Variants in ATXN8OS observed in about 807,000 individuals in gnomAD.
ATXN8OS encodes ATXN8 opposite strand (non-protein coding).
At chr13:70,143,745 T>C (rs1888746769) in intron 3 of ATXN8OS, among the ~76,000 whole-genome samples, 1 of 152,194 alleles carries the variant, frequency 6.6e-6, no homozygotes, top group African/African-American at 2.4e-5. Flanking sequence ...TGAAGATTTT[T>C]ATGGCAGAAT....
intron 4 of ATXN8OS, among the ~76,000 whole-genome samples, chr13:70,158,741 C>T (rs1352776664): frequency 6.6e-6 from 1 of 152,100 alleles, no homozygotes; most frequent in Non-Finnish European, 1.5e-5. Flanking sequence ...TATTTATGGG[C>T]ACTGGATTTT....
chr13:70,169,014 T>C (rs1184261820), intron 4 of ATXN8OS, among the ~76,000 whole-genome samples: 3 of 152,164 alleles, frequency 2.0e-5, no homozygotes, highest in Non-Finnish European at 4.4e-5. Flanking sequence ...CTTATTTTTC[T>C]AATGATGAGA....
chr13:70,127,623 C>T (rs997868645), intron 2 of ATXN8OS, among the ~76,000 whole-genome samples: 8 of 151,860 alleles, frequency 5.3e-5, no homozygotes, highest in African/African-American at 1.9e-4. Context: ...GCCCACAACA[C>T]GTACTTTCAC....
At chr13:70,120,112 T>G (rs903931743) in intron 2 of ATXN8OS, among the ~76,000 whole-genome samples, 12 of 152,164 alleles carry the variant, frequency 7.9e-5, no homozygotes, top group African/African-American at 2.9e-4. Context: ...ACTCCACATA[T>G]TTGCAATTTT....
intron 3 of ATXN8OS, among the ~76,000 whole-genome samples, chr13:70,145,946 A>G (rs988306867): frequency 2.0e-5 from 3 of 148,580 alleles, no homozygotes; most frequent in Non-Finnish European, 4.5e-5. Context: ...TCTGCACAGC[A>G]AAAGAAACTA....
At chr13:70,125,117 G>T (rs2325254) in intron 2 of ATXN8OS, among the ~76,000 whole-genome samples, 107,217 of 151,766 alleles carry the variant, frequency 0.71, 38,299 homozygotes, top group South Asian at 0.85. Flanking sequence ...AATTTTTAGG[G>T]TATACCTATC....
At position 70,137,241 on chromosome 13, in the gene ATXN8OS, A is replaced by G. The variant is rs147862249; in HGVS notation, n.499+7357A>G. 2.7e-3 allele frequency among the ~76,000 whole-genome samples: 406 copies of G among 152,330 alleles called. 5 individuals are homozygous for G. Among genetic ancestry groups the G allele is most frequent in the Non-Finnish European group, 3.6e-3 (247 of 68,034 alleles). On this transcript the variant is annotated intron_variant and non_coding_transcript_variant, in intron 3 of 4. Coordinates refer to ENST00000678624, the Ensembl canonical transcript of ATXN8OS. ...TTCAGCGGAATCGCTCCTTAATGCA[A>G]TTAAGATGTTTAGCAGCTTTAAGTA... is the stretch of plus-strand genomic sequence containing the variant.
At chr13:70,166,627 A>G (rs12430177) in intron 4 of ATXN8OS, among the ~76,000 whole-genome samples, 17,526 of 152,150 alleles carry the variant, frequency 0.12, 1,620 homozygotes, top group East Asian at 0.41. Context: ...TTCATGTCTA[A>G]AACACCAAAA....
chr13:70,141,877 T>C (rs561800738), intron 3 of ATXN8OS, among the ~76,000 whole-genome samples: 2 of 152,062 alleles, frequency 1.3e-5, no homozygotes, highest in East Asian at 3.9e-4. Flanking sequence ...TATATGTATA[T>C]ATAATTTTTT....
intron 4 of ATXN8OS, among the ~76,000 whole-genome samples, chr13:70,156,226 T>C (rs544414347): frequency 7.0e-6 from 1 of 142,504 alleles, no homozygotes; most frequent in African/African-American, 2.5e-5. Flanking sequence ...TGAGCACAGG[T>C]GGGTATGGGT....
At chr13:70,142,314 A>T (rs990917997) in intron 3 of ATXN8OS, among the ~76,000 whole-genome samples, 5 of 152,226 alleles carry the variant, frequency 3.3e-5, no homozygotes, top group African/African-American at 1.2e-4. Context: ...ACTGGGCTTT[A>T]GGCTAAAGCT....
At chr13:70,161,639 T>G (rs1593778085) in intron 4 of ATXN8OS, among the ~76,000 whole-genome samples, 1 of 150,940 alleles carries the variant, frequency 6.6e-6, no homozygotes, top group Non-Finnish European at 1.5e-5. Context: ...AAATAATTAT[T>G]TGATTATTTT....
chr13:70,134,438 C>T (rs947042416), intron 3 of ATXN8OS, among the ~76,000 whole-genome samples: 7 of 152,134 alleles, frequency 4.6e-5, no homozygotes, highest in East Asian at 1.9e-4. Context: ...CAGAATTGGG[C>T]GCATGTCTCA....
exon 5 of ATXN8OS, among the ~76,000 whole-genome samples, chr13:70,169,927 G>A (rs2137510053): frequency 6.6e-6 from 1 of 152,166 alleles, no homozygotes; most frequent in African/African-American, 2.4e-5. Flanking sequence ...CAAATGCATT[G>A]CGAGCCAGCT....
At chr13:70,137,921 CAG>C (rs774229619) in intron 3 of ATXN8OS, among the ~76,000 whole-genome samples, 4 of 152,126 alleles carry the variant, frequency 2.6e-5, no homozygotes, top group Non-Finnish European at 4.4e-5. Flanking sequence ...ACAAACAAGA[CAG>C]AAAGTGAAGG....
At position 70,162,476 on chromosome 13, in the gene ATXN8OS, T is replaced by C. The variant is rs144048944; in HGVS notation, n.574-7277T>C. Reference sequence around the variant, plus strand: ...CTTCAATATTCTTCTGAGGCTCTTCTGTTTGTGCAACCCAAGCAGAAGCCA... The same window carrying C: ...CTTCAATATTCTTCTGAGGCTCTTCCGTTTGTGCAACCCAAGCAGAAGCCA... On this transcript the variant is annotated intron_variant and non_coding_transcript_variant, in intron 4 of 4. Transcript: ENST00000678624. Among the ~76,000 whole-genome samples the C allele has an allele frequency of 4.3e-3, 649 of 152,166 alleles. 4 individuals carry two copies. Among genetic ancestry groups the C allele is most frequent in the Non-Finnish European group, 5.8e-3 (396 of 67,982 alleles).
At chr13:70,133,605 C>T (rs1173527323) in intron 3 of ATXN8OS, among the ~76,000 whole-genome samples, 1 of 151,938 alleles carries the variant, frequency 6.6e-6, no homozygotes, top group African/African-American at 2.4e-5. Flanking sequence ...GTGGTAGGTC[C>T]CAATTCCATA....
intron 4 of ATXN8OS, among the ~76,000 whole-genome samples, chr13:70,150,925 A>G (rs1236036095): frequency 6.6e-6 from 1 of 152,142 alleles, no homozygotes; most frequent in Non-Finnish European, 1.5e-5. Flanking sequence ...TGCTCAAAGA[A>G]GGTTCGTGGC....
At chr13:70,134,095 A>T (rs1264429657) in intron 3 of ATXN8OS, among the ~76,000 whole-genome samples, 1 of 152,200 alleles carries the variant, frequency 6.6e-6, no homozygotes, top group Admixed American at 6.5e-5. Context: ...CAGCTAAATA[A>T]CAGGATTTTT....
Sources: gnomAD v4.1 joint callset for allele counts (sites outside exome capture counted in the v4.1 genomes callset) on GRCh38, gnomAD v4.1.1 for gene constraint, MANE v1.5 for transcripts, NCBI Gene and HGNC (gene_info 2026-07-23, HGNC 2026-07-21) for gene names.